GUCY1A1: variants seen among roughly 807,000 people sequenced by gnomAD.
The protein encoded by GUCY1A1 is guanylate cyclase 1 soluble subunit alpha 1.
GUCY1A1 carries 48 observed loss-of-function variants against 64.5 expected under a neutral mutation model. That is an observed-to-expected ratio of 0.74 (90% CI 0.59 to 0.95). The LOEUF is 0.95. Among genes scored for constraint, GUCY1A1 ranks in the 40% least tolerant of loss-of-function variants. The pLI, the probability that GUCY1A1 is intolerant of heterozygous loss-of-function variation, is 0.00. For missense variants in GUCY1A1, 804 were observed against 825.3 expected (o/e 0.97, Z 0.32); for synonymous variants, 308 against 303.4 (o/e 1.02, Z -0.16).
At chr4:155,682,535 G>C (rs1735933459) in intron 2 of GUCY1A1, among the ~76,000 whole-genome samples, 1 of 152,088 alleles carries the variant, frequency 6.6e-6, no homozygotes, top group African/African-American at 2.4e-5. Context: ...AGCTGGGCGT[G>C]GTGGTGTGTG....
At chr4:155,716,634 AG>A (rs540995377) in intron 7 of GUCY1A1, among the ~76,000 whole-genome samples, 9 of 152,134 alleles carry the variant, frequency 5.9e-5, no homozygotes, top group Non-Finnish European at 1.2e-4. Flanking sequence ...GAGGACCCCA[AG>A]GGTCCTTTAG....
chr4:155,674,258 C>T lies in GUCY1A1; in HGVS notation c.-113+6839C>T, dbSNP rs187873217. ...TAATCCCAGCTATTCGGGAGGCTGA[C>T]GCAGAGAATTGCTTGAACCCAGGAG... On this transcript the variant is annotated intron_variant, in intron 2 of 9. Transcript: ENST00000506455. Among the ~76,000 whole-genome samples, 264 of 150,946 alleles carry T rather than the reference C, an allele frequency of 1.7e-3. 17 individuals carry two copies. Among genetic ancestry groups the T allele is most frequent in the African/African-American group, 6.1e-3 (247 of 40,562 alleles).
At chr4:155,668,446 C>T (rs1251244236) in intron 2 of GUCY1A1, among the ~76,000 whole-genome samples, 1 of 152,118 alleles carries the variant, frequency 6.6e-6, no homozygotes, top group Non-Finnish European at 1.5e-5. Context: ...TCATTTATAA[C>T]ATATCAATAG....
intron 7 of GUCY1A1, among the ~76,000 whole-genome samples, chr4:155,715,933 G>A (rs1315977432): frequency 1.3e-5 from 2 of 152,156 alleles, no homozygotes; most frequent in Non-Finnish European, 2.9e-5. Context: ...GAAGAAGAAG[G>A]GCAGTGGGTA....
chr4:155,683,181 C>G (rs774888158), intron 2 of GUCY1A1, among the ~76,000 whole-genome samples: 9 of 151,884 alleles, frequency 5.9e-5, no homozygotes, highest in Non-Finnish European at 1.3e-4. Flanking sequence ...TGCATAAACT[C>G]TATGTATAGT....
At position 155,710,866 on chromosome 4, in the gene GUCY1A1, C is replaced by A; in HGVS notation, c.701C>A (p.Ser234Ter). 1 of 1,613,780 alleles carries A rather than the reference C, an allele frequency of 6.2e-7. No individual in the cohort carries two copies. ...TTATATGAAACGGAAGTGGAAGTGTCGTTAATGCCTCCCTGCTTCCATAAT... is the reference window on the plus strand; with the variant it reads ...TTATATGAAACGGAAGTGGAAGTGTAGTTAATGCCTCCCTGCTTCCATAAT... ...HVLYETEVEV[S>*]LMPPCFHNDC... Residue 234 changes from serine (S) to a stop codon, truncating the protein, a stop_gained, in exon 6 of 10, where the codon TCG (serine) becomes TAG (stop). Coordinates refer to ENST00000506455, the MANE Select transcript of GUCY1A1 (RefSeq NM_001130682.3). LOFTEE classifies it high-confidence loss of function.
At chr4:155,700,471 G>T (rs1354782978) in intron 3 of GUCY1A1, among the ~76,000 whole-genome samples, 1 of 152,130 alleles carries the variant, frequency 6.6e-6, no homozygotes, top group African/African-American at 2.4e-5. Context: ...CCACACCAAT[G>T]ATATTTTTAT....
chr4:155,683,390 A>G (rs561498391), intron 2 of GUCY1A1, among the ~76,000 whole-genome samples: 1 of 152,384 alleles, frequency 6.6e-6, no homozygotes, highest in East Asian at 1.9e-4. Flanking sequence ...ATAACAATTT[A>G]GTTAGCCTAT....
At chr4:155,728,511 T>C (rs1735059080) in intron 9 of GUCY1A1, among the ~76,000 whole-genome samples, 1 of 151,884 alleles carries the variant, frequency 6.6e-6, no homozygotes, top group South Asian at 2.1e-4. Flanking sequence ...AAAAAGTGAT[T>C]CAATAGGTAT....
intron 4 of GUCY1A1, among the ~76,000 whole-genome samples, chr4:155,707,685 A>C (rs1250264109): frequency 6.6e-6 from 1 of 151,928 alleles, no homozygotes; most frequent in Non-Finnish European, 1.5e-5. Context: ...ATTTCTTATG[A>C]AGAATAACAA....
At position 155,711,187 on chromosome 4, in the gene GUCY1A1, T is replaced by G; in HGVS notation, c.1022T>G (p.Met341Arg). 6.2e-7 allele frequency: 1 copy of G among 1,613,706 alleles called. No homozygotes were observed. The highest frequency in any genetic ancestry group is 1.3e-5 in the African/African-American group (1 of 75,044). Residue 341 changes from methionine to arginine, a missense_variant, in exon 6 of 10, where the codon ATG (methionine) becomes AGG (arginine). By Grantham distance (91) the Met-to-Arg change is moderately conservative (BLOSUM62 -1). Coordinates refer to ENST00000506455, the MANE Select transcript of GUCY1A1 (RefSeq NM_001130682.3). ...CAGACGTTTAGCGGGATCATGACTA[T>G]GTTGAATATGCAGTTTGTTGTACGA... ...INQTFSGIMTMLNMQFVVRVR... is the reference protein window; with the variant it reads ...INQTFSGIMTRLNMQFVVRVR...
At chr4:155,672,999 T>C (rs1734352252) in intron 2 of GUCY1A1, among the ~76,000 whole-genome samples, 1 of 152,236 alleles carries the variant, frequency 6.6e-6, no homozygotes, top group African/African-American at 2.4e-5. Context: ...GGAATGGATA[T>C]GAAACAAAAC....
chr4:155,696,914 C>T lies in GUCY1A1; in HGVS notation c.47C>T (p.Pro16Leu). Reference sequence around the variant, plus strand: ...GATCTCAAGATCACAGGAGAGTGTCCTTTCTCCTTACTGGCACCAGGTCAA... The same window carrying T: ...GATCTCAAGATCACAGGAGAGTGTCTTTTCTCCTTACTGGCACCAGGTCAA... The part of the protein sequence containing the change: ...LKDLKITGEC[P>L]FSLLAPGQVP... Residue 16 changes from proline to leucine, a missense_variant, in exon 3 of 10, where the codon CCT (proline) becomes CTT (leucine). By Grantham distance (98) the Pro-to-Leu change is moderately conservative. Transcript: ENST00000506455. 1 of 1,613,354 alleles carries T rather than the reference C, an allele frequency of 6.2e-7. No homozygotes were observed. Among genetic ancestry groups the T allele is most frequent in the Non-Finnish European group, 8.5e-7 (1 of 1,179,372 alleles).
At chr4:155,685,362 A>C (rs1227437421) in intron 2 of GUCY1A1, among the ~76,000 whole-genome samples, 1 of 152,180 alleles carries the variant, frequency 6.6e-6, no homozygotes, top group Non-Finnish European at 1.5e-5. Flanking sequence ...TCAACTGCAC[A>C]GTTTGAACAC....
chr4:155,710,360 A>G (rs1732396434), intron 5 of GUCY1A1, among the ~76,000 whole-genome samples, 182 bp from the exon 6 acceptor site: 1 of 152,212 alleles, frequency 6.6e-6, no homozygotes, highest in South Asian at 2.1e-4. Context: ...AGTTACTAGA[A>G]TTTTAGAAGC....
intron 8 of GUCY1A1, 64 bp from the exon 9 acceptor site, chr4:155,721,974 G>T: frequency 9.0e-7 from 1 of 1,111,118 alleles, no homozygotes; most frequent in East Asian, 2.4e-5. Flanking sequence ...GTATTCAAAC[G>T]ACACTGACGA....
At position 155,693,563 on chromosome 4, in the gene GUCY1A1, A is replaced by G. The variant is rs1200257970; in HGVS notation, c.-112-3193A>G. ...CAAAAGCAAGACAAACAGGTTTCCA[A>G]GGTATCAACACTGCGTGCATCTGCT... On this transcript the variant is annotated intron_variant, in intron 2 of 9. Coordinates refer to ENST00000506455, the MANE Select transcript of GUCY1A1 (RefSeq NM_001130682.3). 2.0e-5 allele frequency among the ~76,000 whole-genome samples: 3 copies of G among 152,124 alleles called. No individual in the cohort carries two copies. The South Asian group carries it at 6.2e-4, about 32-fold the overall frequency.
At chr4:155,682,152 C>T (rs1459571703) in intron 2 of GUCY1A1, among the ~76,000 whole-genome samples, 1 of 152,010 alleles carries the variant, frequency 6.6e-6, no homozygotes, top group East Asian at 1.9e-4. Context: ...CTTTCACTTA[C>T]ACTGTTCTTT....
intron 3 of GUCY1A1, among the ~76,000 whole-genome samples, chr4:155,698,412 T>C (rs529515041): frequency 1.3e-5 from 2 of 152,124 alleles, no homozygotes; most frequent in South Asian, 4.2e-4. Flanking sequence ...CCTCAGGGAG[T>C]TGGTTTGTAG....
Sources: gnomAD v4.1 joint callset for allele counts (sites outside exome capture counted in the v4.1 genomes callset) on GRCh38, gnomAD v4.1.1 for gene constraint, MANE v1.5 for transcripts, NCBI Gene and HGNC (gene_info 2026-07-23, HGNC 2026-07-21) for gene names.